Variants in ACACA observed in about 807,000 individuals in gnomAD.
ACACA encodes acetyl-CoA carboxylase 1.
A neutral mutation model predicts 296.1 loss-of-function variants in ACACA; 103 were observed. The observed-to-expected ratio is 0.35, with a 90% CI of 0.30 to 0.41. The LOEUF is 0.41. ACACA is among the 10% of genes least tolerant of loss of function. ACACA has a pLI of 1.00. For synonymous variants in ACACA, 953 were observed against 1,038.6 expected (o/e 0.92, Z 1.58); for missense variants, 1,554 against 2,989.7 (o/e 0.52, Z 11.20).
intron 5 of ACACA, among the ~76,000 whole-genome samples, chr17:37,283,023 C>T (rs1419328997): frequency 6.6e-6 from 1 of 152,194 alleles, no homozygotes; most frequent in Non-Finnish European, 1.5e-5. Context: ...CCCAAATCAA[C>T]ACTTTTGTTA....
At chr17:37,142,298 T>C (rs1044150767) in intron 45 of ACACA, among the ~76,000 whole-genome samples, 12 of 152,170 alleles carry the variant, frequency 7.9e-5, no homozygotes, top group African/African-American at 2.9e-4. Flanking sequence ...ACCAGAGCAC[T>C]CAGGATTGTT....
intron 3 of ACACA, among the ~76,000 whole-genome samples, chr17:37,317,394 C>T (rs1027973902): frequency 6.6e-6 from 1 of 151,994 alleles, no homozygotes; most frequent in Non-Finnish European, 1.5e-5. Context: ...GGCGAAACCC[C>T]GTCTCTACTA....
At position 37,365,663 on chromosome 17, in the gene ACACA, C is replaced by T. The variant is rs999367779; in HGVS notation, c.39-25813G>A. On this transcript the variant is annotated intron_variant, in intron 1 of 55. Transcript: ENST00000616317. ...TGTCTCTTTGCTCTTGTTAATCACT[C>T]CAGTTTATCCAGAATTAAGAGCCTG... 25 of 985,246 alleles carry T rather than the reference C, an allele frequency of 2.5e-5. No homozygotes were observed. The African/African-American group carries it at 4.4e-4, about 17-fold the overall frequency. The allele number at this position is 985,246 out of a possible 1,614,324, so 61.0% of individuals were successfully genotyped here.
intron 8 of ACACA, 64 bp downstream of exon 8, chr17:37,275,887 A>G (rs1380341640): frequency 1.5e-6 from 2 of 1,364,066 alleles, no homozygotes; most frequent in East Asian, 2.3e-5. Context: ...CAAAAGAGGT[A>G]AGTCCCAAAT....
At chr17:37,095,538 G>A (rs1567650949) in intron 54 of ACACA, among the ~76,000 whole-genome samples, 2 of 152,190 alleles carry the variant, frequency 1.3e-5, no homozygotes, top group Non-Finnish European at 1.5e-5. Flanking sequence ...ATTAGCAGAG[G>A]CTTCAGGCAA....
In ACACA at chr17:37,406,313, C is replaced by T. The variant is rs373382810; in HGVS notation, c.-14G>A. ...AGACCACCACATCCTCTCATCATTG[C>T]GCCTCAATTTGGGCCTCTGAAGCCC... On this transcript the variant is annotated 5_prime_UTR_variant, in exon 1 of 56. Coordinates refer to ENST00000616317, the MANE Select transcript of ACACA (RefSeq NM_198834.3). 1.2e-6 allele frequency: 2 copies of T among 1,614,034 alleles called. No homozygotes were observed. The highest frequency in any genetic ancestry group is 1.7e-6 in the Non-Finnish European group (2 of 1,179,996).
intron 35 of ACACA, among the ~76,000 whole-genome samples, chr17:37,198,799 G>C (rs2145220671): frequency 6.6e-6 from 1 of 152,300 alleles, no homozygotes; most frequent in East Asian, 1.9e-4. Flanking sequence ...AAAATGTCAA[G>C]TCTTGAAAAC....
intron 8 of ACACA, among the ~76,000 whole-genome samples, chr17:37,275,535 T>C (rs1264303260): frequency 6.8e-6 from 1 of 147,064 alleles, no homozygotes; most frequent in African/African-American, 2.5e-5. Flanking sequence ...AAAAAAAACA[T>C]TGGCAAGGAA....
chr17:37,285,717 T>TG (rs1346087113), intron 3 of ACACA, among the ~76,000 whole-genome samples: 31 of 68,054 alleles, frequency 4.6e-4, no homozygotes, highest in African/African-American at 1.5e-3. Flanking sequence ...GGGTGGGGGG[T>TG]GGGGGGCGCA....
Position 37,258,279 on chromosome 17 carries a change from G to T in ACACA, c.1595C>A (p.Ser532Tyr). ...GCCCCTTGGACAAGGAACGTGTGCA[G>T]AATCTTCAAAATCAATGGGAGAATC... is the stretch of plus-strand genomic sequence containing the variant. ...WGDSPIDFED[S>Y]AHVPCPRGHV... is the part of the protein sequence containing the mutation. Residue 532 changes from serine to tyrosine, a missense_variant, in exon 13 of 56, where the codon TCT becomes TAT. By Grantham distance (144) the Ser-to-Tyr change is moderately radical. Transcript: ENST00000616317. 6.2e-7 allele frequency: 1 copy of T among 1,614,064 alleles called. No individual in the cohort carries two copies. The highest frequency in any genetic ancestry group is 8.5e-7 in the Non-Finnish European group (1 of 1,180,000).
intron 48 of ACACA, among the ~76,000 whole-genome samples, chr17:37,124,288 T>C (rs2074670673): frequency 6.6e-6 from 1 of 152,214 alleles, no homozygotes; most frequent in Non-Finnish European, 1.5e-5. Context: ...AGTGTTGCAA[T>C]AAACAATGAC....
chr17:37,141,250 GA>G (rs2143815977), intron 45 of ACACA: 1 of 588,006 alleles, frequency 1.7e-6, no homozygotes, highest in Non-Finnish European at 3.2e-6. Context: ...CTCCTCCAGG[GA>G]CTTGATCTTC....
chr17:37,255,099 T>C (rs2081167800), intron 14 of ACACA, among the ~76,000 whole-genome samples: 1 of 148,072 alleles, frequency 6.8e-6, no homozygotes. Context: ...AGACTCTGTC[T>C]CAAAAAAAAA....
chr17:37,166,742 T>C (rs1411488939), intron 41 of ACACA, among the ~76,000 whole-genome samples: 2 of 152,190 alleles, frequency 1.3e-5, no homozygotes, highest in African/African-American at 4.8e-5. Context: ...ACAGTTTCAC[T>C]TTTCCAATTA....
At chr17:37,219,876 TAAAGA>T (rs1310236869) in intron 29 of ACACA, among the ~76,000 whole-genome samples, 1 of 151,892 alleles carries the variant, frequency 6.6e-6, no homozygotes, top group Non-Finnish European at 1.5e-5. Context: ...AAAAAAAAAT[TAAAGA>T]AATTTTAACA....
rs369364498 is a variant in ACACA, at chr17:37,279,351, T to C, written c.611-1346A>G. On this transcript the variant is annotated intron_variant, in intron 5 of 55. Transcript: ENST00000616317. The stretch of plus-strand genomic sequence containing the variant: ...CAATACTATATTTTAAAAGTGAAAA[T>C]TGGCCAGGCGCAGTGGCTCACGCCT... Among the ~76,000 whole-genome samples, 15 of 152,216 alleles carry C rather than the reference T, an allele frequency of 9.9e-5. No homozygotes were observed. In the East Asian group the frequency reaches 1.2e-3, roughly 12 times the overall value.
chr17:37,248,055 A>G lies in ACACA; in HGVS notation c.2265T>C (p.Tyr755=). Residue 755 remains tyrosine, a synonymous_variant, in exon 18 of 56, where the codon TAT becomes TAC. Transcript: ENST00000616317. ...RLSDGGLLLS[Y]DGSSYTTYMK... ...TATACGTAGTATAACTGCTGCCATCATAGGACAAGAGCAGTCCACCGTCAC... is the reference window on the plus strand; with the variant it reads ...TATACGTAGTATAACTGCTGCCATCGTAGGACAAGAGCAGTCCACCGTCAC... 1 of 1,614,148 alleles carries G rather than the reference A, an allele frequency of 6.2e-7. No homozygotes were observed. The highest frequency in any genetic ancestry group is 2.2e-5 in the East Asian group (1 of 44,886).
rs2072162390 is a variant in ACACA, at chr17:37,085,828, C to T, written c.*1488G>A. On this transcript the variant is annotated 3_prime_UTR_variant, in exon 56 of 56. Coordinates refer to ENST00000616317, the MANE Select transcript of ACACA (RefSeq NM_198834.3). ...GTTAAGGCTCAGAACTGTGGCTTGT[C>T]CAAGAACGTTCATACCACTGCTTCT... The T allele has an allele frequency of 2.5e-6, 1 of 399,074 alleles. No homozygotes were observed. The highest frequency in any genetic ancestry group is 1.3e-4 in the South Asian group (1 of 7,858). The allele number at this position is 399,074 out of a possible 1,614,324, so 24.7% of individuals were successfully genotyped here. A position where few individuals can be genotyped will look rare whatever the true frequency, so the allele number is the denominator to read the frequency against.
At chr17:37,263,170 C>T (rs2081593107) in intron 11 of ACACA, among the ~76,000 whole-genome samples, 1 of 152,168 alleles carries the variant, frequency 6.6e-6, no homozygotes, top group Non-Finnish European at 1.5e-5. Flanking sequence ...TGGGTTAGGA[C>T]TCCAGAAAAG....
Sources: allele counts gnomAD v4.1 joint callset (sites outside exome capture counted in the v4.1 genomes callset), GRCh38; gene constraint gnomAD v4.1.1; transcripts MANE v1.5; gene names NCBI Gene and HGNC (gene_info 2026-07-23, HGNC 2026-07-21).